The following ARHGAP5 variants were observed in gnomAD, a reference collection of about 807,000 sequenced individuals.
ARHGAP5 encodes the protein Rho GTPase activating protein 5.
ARHGAP5 carries 23 observed loss-of-function variants against 116.6 expected under a neutral mutation model. That is an observed-to-expected ratio of 0.20 (90% CI 0.14 to 0.28). The LOEUF (loss-of-function observed/expected upper bound fraction) is 0.28, where lower values mean the gene tolerates loss of function less well. Among genes scored for constraint, ARHGAP5 ranks in the 10% least tolerant of loss-of-function variants. The pLI is 1.00. For synonymous variants in ARHGAP5, 574 were observed against 602.0 expected, an observed-to-expected ratio of 0.95 and a Z score of 0.68; for missense variants, 1,405 against 1,774.8, an observed-to-expected ratio of 0.79 and a Z score of 3.74.
chr14:32,137,803 C>G (rs1880887291), intron 3 of ARHGAP5, among the ~76,000 whole-genome samples: 1 of 151,786 alleles, frequency 6.6e-6, no homozygotes, highest in Admixed American at 6.6e-5. Context: ...GAAACCCCGT[C>G]TCTACTAAAA....
At chr14:32,143,207 T>TTGTTGC (rs1881209976) in intron 3 of ARHGAP5, among the ~76,000 whole-genome samples, 1 of 134,340 alleles carries the variant, frequency 7.4e-6, no homozygotes, top group Non-Finnish European at 1.6e-5. Context: ...ATTTTAGTTG[T>TTGTTGC]TGTTGTTGTT....
Position 32,154,872 on chromosome 14 carries a change from C to A in ARHGAP5, c.4433C>A (p.Pro1478Gln). The change falls in exon 7 of 7, where the codon CCA (proline) becomes CAA (glutamine). Residue 1478 changes from proline (P) to glutamine (Q), a missense_variant. Pro to Gln is a moderately conservative substitution (Grantham distance 76). This residue lies in a region of ARHGAP5 where 85 missense variants were observed against 96.6 expected (regional missense o/e 0.88). Transcript: ENST00000345122. Reference protein sequence around the residue: ...NPGQLVEPMVPLQLPPPLQPQ... With the variant: ...NPGQLVEPMVQLQLPPPLQPQ... ...GGACAGTTGGTGGAACCAATGGTGC[C>A]ACTTCAGTTGCCGCCACCATTGCAA... is the stretch of plus-strand genomic sequence containing the variant. The A allele has an allele frequency of 6.2e-7, 1 of 1,614,076 alleles. No individual in the cohort carries two copies. Among genetic ancestry groups the A allele is most frequent in the South Asian group, 1.1e-5 (1 of 91,080 alleles).
chr14:32,133,830 A>C (rs961868227), intron 3 of ARHGAP5, among the ~76,000 whole-genome samples: 1 of 152,158 alleles, frequency 6.6e-6, no homozygotes, highest in African/African-American at 2.4e-5. Flanking sequence ...TTCTGCATCT[A>C]TTGAGATAAT....
In ARHGAP5 at chr14:32,093,986, A is replaced by G; in HGVS notation, c.3317A>G (p.Asp1106Gly). 6.2e-7 allele frequency: 1 copy of G among 1,613,684 alleles called. No homozygotes were observed. Among genetic ancestry groups the G allele is most frequent in the Non-Finnish European group, 8.5e-7 (1 of 1,179,916 alleles). ...DTIFKQKGYS[D>G]EIYVVPDDSQ... ...ATTTTCAAACAGAAGGGCTATTCTG[A>G]TGAGATTTATGTTGTCCCAGATGAT... The change falls in exon 2 of 7, where the codon GAT (aspartate) becomes GGT (glycine). Residue 1106 changes from aspartate to glycine, a missense_variant. By Grantham distance (94) the Asp-to-Gly change is moderately conservative. Coordinates refer to ENST00000345122, the MANE Select transcript of ARHGAP5 (RefSeq NM_001030055.2).
At chr14:32,128,194 C>A (rs1880285428) in intron 3 of ARHGAP5, among the ~76,000 whole-genome samples, 1 of 150,834 alleles carries the variant, frequency 6.6e-6, no homozygotes, top group Admixed American at 6.6e-5. Flanking sequence ...TCCTCACTTC[C>A]CAGACTGGGC....
rs1455387368 is a variant in ARHGAP5 at position 32,077,376 on chromosome 14, C to T, written c.-228C>T. On this transcript the variant is annotated 5_prime_UTR_variant, in exon 1 of 7. Coordinates refer to ENST00000345122, the MANE Select transcript of ARHGAP5 (RefSeq NM_001030055.2). Reference sequence around the variant, plus strand: ...GAGCGGTCCCCAGGAATGTCGCTGCCGCCGCCACCGCCGGGGCCGCTGCCG... The same window carrying T: ...GAGCGGTCCCCAGGAATGTCGCTGCTGCCGCCACCGCCGGGGCCGCTGCCG... 3 of 699,720 alleles carry T rather than the reference C, an allele frequency of 4.3e-6. No individual in the cohort carries two copies. The highest frequency in any genetic ancestry group is 2.7e-5 in the East Asian group (1 of 36,970). The allele number at this position is 699,720 out of a possible 1,614,324, so 43.3% of individuals were successfully genotyped here.
At chr14:32,102,867 T>G (rs1015279965) in intron 2 of ARHGAP5, among the ~76,000 whole-genome samples, 4 of 152,372 alleles carry the variant, frequency 2.6e-5, no homozygotes, top group African/African-American at 9.6e-5. Context: ...CTACTGTGCC[T>G]GAACACTGTT....
chr14:32,080,524 G>A (rs531613675), intron 1 of ARHGAP5, among the ~76,000 whole-genome samples: 164 of 151,108 alleles, frequency 1.1e-3, no homozygotes, highest in African/African-American at 3.8e-3. Flanking sequence ...TCTCTGATTC[G>A]TTATTCATTA....
At chr14:32,138,752 A>ACC (rs1190107653) in intron 3 of ARHGAP5, among the ~76,000 whole-genome samples, 5 of 152,218 alleles carry the variant, frequency 3.3e-5, no homozygotes, top group Non-Finnish European at 7.3e-5. Flanking sequence ...GCAAAAACAG[A>ACC]CATACTCGTT....
chr14:32,136,616 G>T (rs1430778731), intron 3 of ARHGAP5, among the ~76,000 whole-genome samples: 1 of 152,180 alleles, frequency 6.6e-6, no homozygotes, highest in African/African-American at 2.4e-5. Context: ...TCTTGAGGGT[G>T]TATGCCTAGG....
chr14:32,126,793 T>TG (rs1276462357), intron 3 of ARHGAP5, among the ~76,000 whole-genome samples: 2 of 152,032 alleles, frequency 1.3e-5, no homozygotes, highest in Non-Finnish European at 2.9e-5. Flanking sequence ...TTTTCTTTTT[T>TG]TGGGGGGGGA....
chr14:32,080,721 T>C (rs560628746), intron 1 of ARHGAP5, among the ~76,000 whole-genome samples: 2 of 152,212 alleles, frequency 1.3e-5, no homozygotes, highest in South Asian at 2.1e-4. Flanking sequence ...GAAGAAACAT[T>C]TTGAGTTTTA....
In ARHGAP5 at chr14:32,146,351, G is replaced by T; in HGVS notation, c.3943+11G>T. ...AGCAGTTTGATCAAGGTAAGAAGAT[G>T]ATTATGTGAAATAAAAATTGTTGTT... On this transcript the variant is annotated intron_variant, in intron 4 of 6. Coordinates refer to ENST00000345122, the MANE Select transcript of ARHGAP5 (RefSeq NM_001030055.2). The T allele has an allele frequency of 6.3e-7, 1 of 1,582,014 alleles. No individual in the cohort carries two copies. Among genetic ancestry groups the T allele is most frequent in the South Asian group, 1.1e-5 (1 of 89,164 alleles).
rs749496615 is a variant in ARHGAP5, at chr14:32,091,777, A to G, written c.1108A>G (p.Lys370Glu). The change falls in exon 2 of 7, where the codon AAG becomes GAG. Residue 370 changes from lysine (K) to glutamate (E), a missense_variant. By Grantham distance (56) the Lys-to-Glu change is moderately conservative. Transcript: ENST00000345122. Reference sequence around the variant, plus strand: ...GTCAGAAGCTTTGAAGTTAATGGAAAAGAGAGCAGATTTCCAGTTATGTTT... The same window carrying G: ...GTCAGAAGCTTTGAAGTTAATGGAAGAGAGAGCAGATTTCCAGTTATGTTT... ...NWSEALKLME[K>E]RADFQLCFVV... is the part of the protein sequence containing the mutation. The G allele has an allele frequency of 6.2e-7, 1 of 1,613,698 alleles. No individual in the cohort carries two copies. Among genetic ancestry groups the G allele is most frequent in the Admixed American group, 1.7e-5 (1 of 60,000 alleles).
intron 3 of ARHGAP5, among the ~76,000 whole-genome samples, chr14:32,138,423 A>G (rs1880924521): frequency 6.6e-6 from 1 of 152,138 alleles, no homozygotes. Flanking sequence ...AGCTGGGATT[A>G]CAGGTGGGTG....
At chr14:32,117,613 A>G (rs1254264811) in intron 3 of ARHGAP5, among the ~76,000 whole-genome samples, 1 of 152,188 alleles carries the variant, frequency 6.6e-6, no homozygotes, top group African/African-American at 2.4e-5. Flanking sequence ...ATAGTGTGGA[A>G]GTTTTCCATA....
At chr14:32,141,178 A>G (rs943196166) in intron 3 of ARHGAP5, among the ~76,000 whole-genome samples, 3 of 152,130 alleles carry the variant, frequency 2.0e-5, no homozygotes, top group Non-Finnish European at 2.9e-5. Context: ...CTATCCTTTT[A>G]CGTTCAACAT....
At position 32,094,341 on chromosome 14, in the gene ARHGAP5, TAAG is replaced by T. The variant is rs1566662851; in HGVS notation, c.3677_3679del (p.Lys1226del). On this transcript the variant is annotated inframe_deletion, in exon 2 of 7. Transcript: ENST00000345122. ...TCACTTCTGACCAGGAGTTAGATGA[TAAG>T]AAGATGAAGAAGAAAACCCACAAAG... The T allele has an allele frequency of 3.8e-6, 6 of 1,591,128 alleles. No individual in the cohort carries two copies. The highest frequency in any genetic ancestry group is 2.2e-5 in the East Asian group (1 of 44,736).
chr14:32,149,350 A>C (rs988251836), intron 4 of ARHGAP5, among the ~76,000 whole-genome samples: 4 of 152,120 alleles, frequency 2.6e-5, no homozygotes, highest in Admixed American at 1.3e-4. Context: ...TATAAACAAA[A>C]AAAAAAGATA....
Sources: allele counts gnomAD v4.1 joint callset (sites outside exome capture counted in the v4.1 genomes callset), GRCh38; gene constraint gnomAD v4.1.1; regional missense constraint gnomAD v4.1.1; transcripts MANE v1.5; gene names NCBI Gene and HGNC (gene_info 2026-07-23, HGNC 2026-07-21).